Variants in IVNS1ABP observed in about 807,000 individuals in gnomAD.
IVNS1ABP encodes influenza virus NS1A binding protein, also known as influenza virus NS1A-binding protein.
A neutral mutation model predicts 78.9 loss-of-function variants in IVNS1ABP; 25 were observed. The ratio of observed to expected loss-of-function variants is 0.32; its 90% CI spans 0.23 to 0.44. The LOEUF is 0.44. Among genes scored for constraint, IVNS1ABP ranks in the 20% least tolerant of loss-of-function variants. The pLI is 1.00. For missense variants in IVNS1ABP, 494 were observed against 768.9 expected (o/e 0.64, Z 4.23); for synonymous variants, 241 against 259.7 (o/e 0.93, Z 0.69).
At chr1:185,303,562 CT>C (rs1665655914) in intron 8 of IVNS1ABP, among the ~76,000 whole-genome samples, 1 of 152,072 alleles carries the variant, frequency 6.6e-6, no homozygotes, top group African/African-American at 2.4e-5. Context: ...CAAATTCTTT[CT>C]TTTCCCTAAT....
rs1665723093 is a variant in IVNS1ABP, at chr1:185,305,773, A to C, written c.658-130T>G. ...GAGCTTCTTGACATATTACTCTGGC[A>C]GGATCCGGAGGTAAAGAAAAATACA... On this transcript the variant is annotated intron_variant, in intron 7 of 14. Transcript: ENST00000367498. The surrounding 1 kb of genome is among the most constrained non-coding windows in gnomAD (Gnocchi z 4.0). 2 of 949,838 alleles carry C rather than the reference A, an allele frequency of 2.1e-6. No homozygotes were observed. 58.8% of individuals were successfully genotyped at this position (949,838 alleles called of 1,614,324 possible).
chr1:185,315,640 A>T (rs1000715301), intron 1 of IVNS1ABP, among the ~76,000 whole-genome samples: 1 of 152,240 alleles, frequency 6.6e-6, no homozygotes, highest in African/African-American at 2.4e-5. Context: ...AGACTTAACA[A>T]ATACAACTAC....
At chr1:185,303,951 T>G (rs1424548274) in intron 8 of IVNS1ABP, among the ~76,000 whole-genome samples, 1 of 152,134 alleles carries the variant, frequency 6.6e-6, no homozygotes, top group African/African-American at 2.4e-5. Context: ...CCACTGCCTA[T>G]AGGATAAAGT....
intron 1 of IVNS1ABP, among the ~76,000 whole-genome samples, chr1:185,314,500 A>G (rs1665962958): frequency 6.6e-6 from 1 of 152,226 alleles, no homozygotes; most frequent in South Asian, 2.1e-4. Context: ...CAGTTTCAAT[A>G]GATTGTAGAT....
chr1:185,310,192 C>T (rs962603590), intron 2 of IVNS1ABP, among the ~76,000 whole-genome samples: 1 of 152,154 alleles, frequency 6.6e-6, no homozygotes, highest in Non-Finnish European at 1.5e-5. Flanking sequence ...TCCTTTCTTT[C>T]ATATATTCTA....
rs186458971 is a variant in IVNS1ABP, at chr1:185,299,673, C to T, written c.1675+37G>A. On this transcript the variant is annotated intron_variant, in intron 14 of 14. Transcript: ENST00000367498. ...AGAGTTTTAGAACAAAGTCTTGCCA[C>T]TATCTACTCTTCACCTCTCCAAATC... 225 of 1,601,638 alleles carry T rather than the reference C, an allele frequency of 1.4e-4. No individual in the cohort carries two copies. The African/African-American group carries it at 2.9e-3, about 20-fold the overall frequency.
intron 9 of IVNS1ABP, 38 bp downstream of exon 9, chr1:185,301,396 G>A: frequency 6.2e-7 from 1 of 1,607,964 alleles, no homozygotes; most frequent in Non-Finnish European, 8.5e-7. Context: ...TTAAAAATAG[G>A]TAAGCTGAAA....
chr1:185,304,393 A>C (rs536329972), intron 8 of IVNS1ABP, among the ~76,000 whole-genome samples: 1 of 152,284 alleles, frequency 6.6e-6, no homozygotes, highest in African/African-American at 2.4e-5. Flanking sequence ...CAAAATGCAC[A>C]AACATAGGTT....
chr1:185,315,407 A>G (rs1248207646), intron 1 of IVNS1ABP, among the ~76,000 whole-genome samples: 1 of 152,258 alleles, frequency 6.6e-6, no homozygotes, highest in Non-Finnish European at 1.5e-5. Context: ...AATCAACTAC[A>G]AATTAAGACA....
intron 1 of IVNS1ABP, 124 bp downstream of exon 1, chr1:185,316,829 C>G (rs1666046496): frequency 2.5e-6 from 1 of 394,386 alleles, no homozygotes; most frequent in South Asian, 1.4e-4. Context: ...GGGCTGCCTC[C>G]CCTGATGAGG....
chr1:185,300,842 A>G (rs1174596375), intron 10 of IVNS1ABP, 130 bp downstream of exon 10: 4 of 724,870 alleles, frequency 5.5e-6, no homozygotes, highest in Non-Finnish European at 6.9e-6. Flanking sequence ...GCCATATTCA[A>G]TAGTATTGTT....
At chr1:185,315,384 G>A (rs988270643) in intron 1 of IVNS1ABP, among the ~76,000 whole-genome samples, 1 of 152,086 alleles carries the variant, frequency 6.6e-6, no homozygotes, top group Non-Finnish European at 1.5e-5. Context: ...TTGTCTTGGG[G>A]GGAAAGTTAG....
chr1:185,298,202 T>C lies in IVNS1ABP; in HGVS notation c.1762A>G (p.Met588Val), dbSNP rs974057959. 1.2e-6 allele frequency: 2 copies of C among 1,613,700 alleles called. No individual in the cohort carries two copies. Among genetic ancestry groups the C allele is most frequent in the Admixed American group, 1.7e-5 (1 of 59,928 alleles). Reference protein sequence around the residue: ...MYDPTRNEWKMMGNMTSPRSN... With the variant: ...MYDPTRNEWKVMGNMTSPRSN... ...CTTGGTGAAGTCATATTTCCCATCA[T>C]CTTCCATTCATTTCTAGTTGGATCA... Residue 588 changes from methionine to valine, a missense_variant, in exon 15 of 15, where the codon ATG (methionine) becomes GTG (valine). Physicochemically the swap from Met to Val is conservative, Grantham distance 21. Transcript: ENST00000367498. The surrounding 1 kb of genome is among the most constrained non-coding windows in gnomAD (Gnocchi z 4.1).
At chr1:185,316,739 C>G (rs558971444) in intron 1 of IVNS1ABP, among the ~76,000 whole-genome samples, 1 of 152,212 alleles carries the variant, frequency 6.6e-6, no homozygotes, top group East Asian at 1.9e-4. Flanking sequence ...GCCAACGCAA[C>G]TTGGCAACCA....
intron 7 of IVNS1ABP, chr1:185,306,177 TG>T (rs1200038673): frequency 1.1e-5 from 2 of 174,876 alleles, no homozygotes; most frequent in Non-Finnish European, 2.4e-5. Flanking sequence ...GACTTTCAAG[TG>T]GGAATCATAG....
chr1:185,307,868 A>T, intron 5 of IVNS1ABP: 1 of 1,423,524 alleles, frequency 7.0e-7, no homozygotes, highest in South Asian at 1.4e-5. Flanking sequence ...TAGTTTAAGG[A>T]GAGGTACAAC....
In IVNS1ABP at chr1:185,309,439, C is replaced by T; in HGVS notation, c.55G>A (p.Val19Ile). The T allele has an allele frequency of 5.6e-6, 9 of 1,613,092 alleles. No individual in the cohort carries two copies. The highest frequency in any genetic ancestry group is 6.8e-6 in the Non-Finnish European group (8 of 1,179,264). ...FEDENFIESS[V>I]AKLNALRKSG... ...TTCCTCAGGGCATTTAATTTGGCAA[C>T]AGAAGACTCAATAAAATTTTCATCC... is the stretch of plus-strand genomic sequence containing the variant. The change falls in exon 3 of 15, where the codon GTT (valine) becomes ATT (isoleucine). Residue 19 changes from valine to isoleucine, a missense_variant. Coordinates refer to ENST00000367498, the MANE Select transcript of IVNS1ABP (RefSeq NM_006469.5).
chr1:185,301,863 A>G lies in IVNS1ABP; in HGVS notation c.766-300T>C, dbSNP rs188128839. 1.5e-4 allele frequency: 31 copies of G among 201,264 alleles called. No individual in the cohort carries two copies. The East Asian group carries it at 3.0e-3, about 20-fold the overall frequency. 12.5% of individuals were successfully genotyped at this position (201,264 alleles called of 1,614,324 possible). A position where few individuals can be genotyped will look rare whatever the true frequency, so the allele number is the denominator to read the frequency against. ...TCAGCAGAAGAAAAAACCAATCTAT[A>G]ATTATTTTTATATTAAGTATAGAAT... On this transcript the variant is annotated intron_variant, in intron 8 of 14. Coordinates refer to ENST00000367498, the MANE Select transcript of IVNS1ABP (RefSeq NM_006469.5).
Position 185,301,052 on chromosome 1 carries a change from A to C in IVNS1ABP, c.1040T>G (p.Ile347Ser). ...LSFEMQQDEL[I>S]EKPMSPMQYA... ...CTGCATAGGAGACATGGGCTTTTCG[A>C]TTAGCTCATCTTGTTGCATCTCAAA... The change falls in exon 10 of 15, where the codon ATC becomes AGC. Residue 347 changes from isoleucine to serine, a missense_variant. Physicochemically the swap from Ile to Ser is moderately radical, Grantham distance 142 (BLOSUM62 -2). Transcript: ENST00000367498. 1 of 1,613,488 alleles carries C rather than the reference A, an allele frequency of 6.2e-7. No homozygotes were observed. The highest frequency in any genetic ancestry group is 8.5e-7 in the Non-Finnish European group (1 of 1,179,692).
Sources: gnomAD v4.1 joint callset for allele counts (sites outside exome capture counted in the v4.1 genomes callset) on GRCh38, gnomAD v4.1.1 for gene constraint, Gnocchi (gnomAD v3.1) non-coding constraint, MANE v1.5 for transcripts, NCBI Gene and HGNC (gene_info 2026-07-23, HGNC 2026-07-21) for gene names.